Variants in OXCT1 observed in about 807,000 individuals in gnomAD.
OXCT1 encodes the protein 3-oxoacid CoA-transferase 1.
In OXCT1, 27 loss-of-function variants were observed where a neutral mutation model predicts 69.6. The observed-to-expected ratio is 0.39, with a 90% confidence interval of 0.29 to 0.54. The LOEUF (loss-of-function observed/expected upper bound fraction) is 0.54. Ranked by LOEUF, OXCT1 falls within the 20% of genes least tolerant of loss-of-function variation. OXCT1 has a pLI of 0.72. For missense variants in OXCT1, 437 were observed against 650.2 expected, an observed-to-expected ratio of 0.67 and a Z score of 3.57; for synonymous variants, 202 against 217.8, an observed-to-expected ratio of 0.93 and a Z score of 0.64.
intron 5 of OXCT1, chr5:41,843,435 A>G: frequency 2.5e-6 from 1 of 408,010 alleles, no homozygotes; most frequent in South Asian, 1.8e-5. Context: ...TTCTCTTGCT[A>G]CTGTGAATGT....
chr5:41,767,326 T>C (rs542050492), intron 13 of OXCT1, among the ~76,000 whole-genome samples: 8 of 152,226 alleles, frequency 5.3e-5, no homozygotes, highest in South Asian at 4.2e-4. Context: ...CCAACTAATA[T>C]GGAACGAGAA....
At chr5:41,780,070 A>G (rs931167063) in intron 13 of OXCT1, among the ~76,000 whole-genome samples, 1 of 152,198 alleles carries the variant, frequency 6.6e-6, no homozygotes, top group Non-Finnish European at 1.5e-5. Flanking sequence ...CATCTACAGC[A>G]TTAGGATAAA....
chr5:41,838,091 T>C (rs2112390495), intron 7 of OXCT1, among the ~76,000 whole-genome samples: 1 of 152,284 alleles, frequency 6.6e-6, no homozygotes, highest in East Asian at 1.9e-4. Flanking sequence ...CAGCTTATAA[T>C]CATCCATCCC....
At chr5:41,821,322 T>C (rs926574496) in intron 7 of OXCT1, among the ~76,000 whole-genome samples, 2 of 152,186 alleles carry the variant, frequency 1.3e-5, no homozygotes, top group Non-Finnish European at 2.9e-5. Context: ...CTTAGATGTT[T>C]AGGAAAAATA....
At chr5:41,774,092 G>A (rs1445460041) in intron 13 of OXCT1, among the ~76,000 whole-genome samples, 1 of 152,156 alleles carries the variant, frequency 6.6e-6, no homozygotes, top group African/African-American at 2.4e-5. Context: ...AAAATACTTG[G>A]TGGTGAGGTG....
intron 13 of OXCT1, among the ~76,000 whole-genome samples, chr5:41,790,487 G>T (rs981360514): frequency 1.3e-5 from 2 of 152,152 alleles, no homozygotes; most frequent in Non-Finnish European, 2.9e-5. Flanking sequence ...GACCAACACT[G>T]CATACTAAGA....
At chr5:41,838,160 G>A (rs1378371761) in intron 7 of OXCT1, among the ~76,000 whole-genome samples, 1 of 152,138 alleles carries the variant, frequency 6.6e-6, no homozygotes, top group Non-Finnish European at 1.5e-5. Flanking sequence ...CAACCTGGAG[G>A]CCAGCGCAGG....
rs774094987 is a variant in OXCT1, at chr5:41,762,205, A to C, written c.1249-5T>G. ...CATTCCTTTCACCATCTTCCCCTGCAAAACAAAAAATAAATAGCTCTGTAT... is the reference window on the plus strand; with the variant it reads ...CATTCCTTTCACCATCTTCCCCTGCCAAACAAAAAATAAATAGCTCTGTAT... On this transcript the variant is annotated splice_polypyrimidine_tract_variant and splice_region_variant and intron_variant, in intron 13 of 16. Coordinates refer to ENST00000196371, the MANE Select transcript of OXCT1 (RefSeq NM_000436.4). This position sits in a 1 kb window ranked among gnomAD's most constrained non-coding sequence, Gnocchi z 4.0. 1 of 1,607,268 alleles carries C rather than the reference A, an allele frequency of 6.2e-7. No homozygotes were observed. Among genetic ancestry groups the C allele is most frequent in the Admixed American group, 1.7e-5 (1 of 59,950 alleles).
chr5:41,795,640 G>C (rs1746142687), intron 11 of OXCT1, among the ~76,000 whole-genome samples: 1 of 152,056 alleles, frequency 6.6e-6, no homozygotes, highest in African/African-American at 2.4e-5. Flanking sequence ...TAACTTCTGA[G>C]ATGCTAATGT....
At chr5:41,869,366 G>A (rs1750166491) in intron 1 of OXCT1, among the ~76,000 whole-genome samples, 2 of 152,202 alleles carry the variant, frequency 1.3e-5, no homozygotes, top group Admixed American at 1.3e-4. Flanking sequence ...AGACGGCGGG[G>A]ATAAAGCCAC....
intron 15 of OXCT1, among the ~76,000 whole-genome samples, chr5:41,745,478 C>G (rs942931226): frequency 1.3e-5 from 2 of 152,108 alleles, no homozygotes; most frequent in African/African-American, 4.8e-5. Flanking sequence ...ATCCTAACAT[C>G]ACGATTAAAA....
intron 7 of OXCT1, among the ~76,000 whole-genome samples, chr5:41,816,269 T>C (rs951655202): frequency 6.6e-5 from 10 of 152,196 alleles, no homozygotes; most frequent in African/African-American, 2.4e-4. Flanking sequence ...TTTTCCCTGA[T>C]TTATATGAGG....
At chr5:41,796,452 A>C (rs966437457) in intron 11 of OXCT1, among the ~76,000 whole-genome samples, 1 of 152,204 alleles carries the variant, frequency 6.6e-6, no homozygotes, top group African/African-American at 2.4e-5. Flanking sequence ...AGCTCCCAGA[A>C]ACAAAAGGAC....
At chr5:41,859,889 A>C (rs1371484758) in intron 3 of OXCT1, among the ~76,000 whole-genome samples, 1 of 88,656 alleles carries the variant, frequency 1.1e-5, no homozygotes, top group Non-Finnish European at 2.8e-5. Context: ...ATATATATGT[A>C]ATATATATAT....
Position 41,837,198 on chromosome 5 carries a change from G to T in OXCT1, c.732+3253C>A, listed in dbSNP as rs148856667. Reference sequence around the variant, plus strand: ...GGAGAAGAAAGGTTGAGAAGATGCAGCATTGTGGAGTGGGAAGATGCTGGC... The same window carrying T: ...GGAGAAGAAAGGTTGAGAAGATGCATCATTGTGGAGTGGGAAGATGCTGGC... On this transcript the variant is annotated intron_variant, in intron 7 of 16. Coordinates refer to ENST00000196371, the MANE Select transcript of OXCT1 (RefSeq NM_000436.4). Among the ~76,000 whole-genome samples the T allele has an allele frequency of 1.4e-3, 211 of 152,044 alleles. 1 individual carries two copies. Among genetic ancestry groups the T allele is most frequent in the African/African-American group, 4.9e-3 (205 of 41,480 alleles).
intron 1 of OXCT1, among the ~76,000 whole-genome samples, chr5:41,863,089 CT>C (rs1047830057): frequency 6.6e-6 from 1 of 152,002 alleles, no homozygotes; most frequent in African/African-American, 2.4e-5. Flanking sequence ...ATTGTTATAA[CT>C]GTTCTATTAT....
intron 7 of OXCT1, among the ~76,000 whole-genome samples, chr5:41,839,344 G>A (rs547987455): frequency 6.6e-6 from 1 of 152,222 alleles, no homozygotes; most frequent in South Asian, 2.1e-4. Flanking sequence ...AAGTCAACAG[G>A]GTGTAAAACT....
At chr5:41,750,256 A>T (rs888581633) in intron 14 of OXCT1, among the ~76,000 whole-genome samples, 3 of 151,170 alleles carry the variant, frequency 2.0e-5, no homozygotes, top group Admixed American at 6.6e-5. Context: ...AATTTTAAAC[A>T]GTATCTATTC....
intron 13 of OXCT1, among the ~76,000 whole-genome samples, chr5:41,781,031 G>A (rs1745373293): frequency 6.6e-6 from 1 of 151,920 alleles, no homozygotes; most frequent in Admixed American, 6.6e-5. Flanking sequence ...AGCCTCCCAA[G>A]TAGCTGGGAC....
Sources: gnomAD v4.1 joint callset for allele counts (sites outside exome capture counted in the v4.1 genomes callset) on GRCh38, gnomAD v4.1.1 for gene constraint, Gnocchi (gnomAD v3.1) non-coding constraint, MANE v1.5 for transcripts, NCBI Gene and HGNC (gene_info 2026-07-23, HGNC 2026-07-21) for gene names.